The following CDH4 variants were observed in gnomAD, a reference collection of about 807,000 sequenced individuals.
CDH4 encodes the protein cadherin 4.
In CDH4, 33 loss-of-function variants were observed where a neutral mutation model predicts 86.0. The ratio of observed to expected loss-of-function variants is 0.38; its 90% CI spans 0.29 to 0.51. CDH4 has a LOEUF of 0.51. Among genes scored for constraint, CDH4 ranks in the 20% least tolerant of loss-of-function variants. CDH4 has a pLI of 0.86. For missense variants in CDH4, 1,114 were observed against 1,307.4 expected, an observed-to-expected ratio of 0.85 and a Z score of 2.28; for synonymous variants, 555 against 549.4, an observed-to-expected ratio of 1.01 and a Z score of -0.14.
chr20:61,672,022 C>T (rs2087395268), intron 2 of CDH4, among the ~76,000 whole-genome samples: 1 of 122,660 alleles, frequency 8.2e-6, no homozygotes, highest in South Asian at 2.9e-4. Flanking sequence ...GATGTATGGA[C>T]AGATGGGTGG....
In CDH4 at chr20:61,910,359, C is replaced by T. The variant is rs533119956; in HGVS notation, c.1189-63C>T. 7.7e-6 allele frequency: 11 copies of T among 1,426,976 alleles called. No homozygotes were observed. In the South Asian group the frequency reaches 9.4e-5, roughly 12 times the overall value. 88.4% of individuals were successfully genotyped at this position (1,426,976 alleles called of 1,614,324 possible). A position where few individuals can be genotyped will look rare whatever the true frequency, so the allele number is the denominator to read the frequency against. ...CGTTGAGCTGCACATATGCTACGTG[C>T]ACTTCTCTGTGCATATTTACACTTA... is the stretch of plus-strand genomic sequence containing the variant. On this transcript the variant is annotated intron_variant, in intron 8 of 15. Transcript: ENST00000614565.
intron 2 of CDH4, among the ~76,000 whole-genome samples, chr20:61,323,426 G>C (rs2084519853): frequency 6.6e-6 from 1 of 152,190 alleles, no homozygotes; most frequent in African/African-American, 2.4e-5. Context: ...CAGCCTGATT[G>C]GAAAGTTCTA....
intron 2 of CDH4, among the ~76,000 whole-genome samples, chr20:61,410,439 GTCCATCCATCCATCCA>G (rs201597174): frequency 2.5e-5 from 2 of 79,710 alleles, no homozygotes; most frequent in South Asian, 1.1e-3. Flanking sequence ...CCTCCCACTG[GTCCATCCATCCATCCA>G]TCCATCCATC....
intron 2 of CDH4, among the ~76,000 whole-genome samples, chr20:61,472,419 A>G (rs2145569699): frequency 6.6e-6 from 1 of 152,110 alleles, no homozygotes; most frequent in African/African-American, 2.4e-5. Context: ...TATGTGCTTT[A>G]TGGTTGTTTT....
intron 4 of CDH4, among the ~76,000 whole-genome samples, chr20:61,839,139 G>A (rs1982019505): frequency 6.6e-6 from 1 of 152,208 alleles, no homozygotes; most frequent in Admixed American, 6.5e-5. Flanking sequence ...ACATCCTTCT[G>A]GAAGAACTTG....
chr20:61,370,850 G>C (rs776589243), intron 2 of CDH4: 2 of 152,036 alleles, frequency 1.3e-5, no homozygotes, highest in African/African-American at 4.8e-5. Flanking sequence ...AGTTGTGCAG[G>C]CTCCAGCTCA....
At chr20:61,347,126 C>T (rs2084683903) in intron 2 of CDH4, among the ~76,000 whole-genome samples, 1 of 152,222 alleles carries the variant, frequency 6.6e-6, no homozygotes, top group Non-Finnish European at 1.5e-5. Context: ...ACCTACATTA[C>T]CCCTGACTCA....
intron 6 of CDH4, among the ~76,000 whole-genome samples, chr20:61,858,534 CGTCTGTGTGTGT>C (rs974161258): frequency 4.8e-5 from 7 of 145,844 alleles, no homozygotes; most frequent in Admixed American, 4.7e-4. Flanking sequence ...TGTGTGTCTG[CGTCTGTGTGTGT>C]GTCTGTGTCT....
At chr20:61,416,725 C>G (rs558768878) in intron 2 of CDH4, among the ~76,000 whole-genome samples, 1 of 152,376 alleles carries the variant, frequency 6.6e-6, no homozygotes, top group Non-Finnish European at 1.5e-5. Context: ...GCACTTGGCA[C>G]AGGCCCGCCC....
intron 2 of CDH4, among the ~76,000 whole-genome samples, chr20:61,465,108 A>G (rs943072393): frequency 6.6e-6 from 1 of 152,182 alleles, no homozygotes; most frequent in Non-Finnish European, 1.5e-5. Context: ...AGGGACTTTG[A>G]TCTGGCATAC....
chr20:61,492,518 C>T (rs527874950), intron 2 of CDH4, among the ~76,000 whole-genome samples: 26 of 152,152 alleles, frequency 1.7e-4, no homozygotes, highest in Admixed American at 4.6e-4. Flanking sequence ...ATGTTGATGG[C>T]GGTACTGATG....
At chr20:61,553,821 C>T (rs926349173) in intron 2 of CDH4, among the ~76,000 whole-genome samples, 1 of 152,230 alleles carries the variant, frequency 6.6e-6, no homozygotes, top group Admixed American at 6.5e-5. Context: ...TGCTGGACCT[C>T]GCTTGGTAGA....
At chr20:61,257,140 C>T (rs1030995088) in intron 2 of CDH4, among the ~76,000 whole-genome samples, 1 of 152,152 alleles carries the variant, frequency 6.6e-6, no homozygotes, top group Non-Finnish European at 1.5e-5. Flanking sequence ...AGAGCTTAAC[C>T]TTAATTTGAC....
At chr20:61,562,619 C>T (rs192920608) in intron 2 of CDH4, among the ~76,000 whole-genome samples, 76 of 152,344 alleles carry the variant, frequency 5.0e-4, no homozygotes, top group African/African-American at 1.7e-3. Context: ...GCCAGGCCTG[C>T]AGAGCAGGGA....
At chr20:61,400,112 C>T (rs6061725) in intron 2 of CDH4, among the ~76,000 whole-genome samples, 78,144 of 151,994 alleles carry the variant, frequency 0.51, 21,515 homozygotes, top group African/African-American at 0.72. Flanking sequence ...ACAGCCATGC[C>T]CAGGCTGGCT....
intron 4 of CDH4, among the ~76,000 whole-genome samples, chr20:61,778,125 C>A (rs898159893): frequency 6.6e-6 from 1 of 152,220 alleles, no homozygotes; most frequent in African/African-American, 2.4e-5. Context: ...TTATCTAGCA[C>A]AGGCAGTGGT....
At chr20:61,802,210 C>CCT (rs1171867357) in intron 4 of CDH4, among the ~76,000 whole-genome samples, 1 of 152,210 alleles carries the variant, frequency 6.6e-6, no homozygotes, top group Non-Finnish European at 1.5e-5. Context: ...CTGTGGCAGC[C>CCT]CCAGAAAGGG....
At chr20:61,901,071 C>A (rs546756471) in intron 8 of CDH4, among the ~76,000 whole-genome samples, 1 of 152,324 alleles carries the variant, frequency 6.6e-6, no homozygotes, top group Non-Finnish European at 1.5e-5. Context: ...GAAGATGGGT[C>A]AACCTCTCTG....
chr20:61,872,701 C>CAG (rs993230796), intron 6 of CDH4, among the ~76,000 whole-genome samples: 5 of 152,258 alleles, frequency 3.3e-5, no homozygotes, highest in Admixed American at 3.3e-4. Flanking sequence ...CACACGTGTG[C>CAG]AGAGCCAGGG....
Sources: gnomAD v4.1 joint callset for allele counts (sites outside exome capture counted in the v4.1 genomes callset) on GRCh38, gnomAD v4.1.1 for gene constraint, MANE v1.5 for transcripts, NCBI Gene and HGNC (gene_info 2026-07-23, HGNC 2026-07-21) for gene names.